USP30: variants seen among roughly 807,000 people sequenced by gnomAD.
USP30 encodes ubiquitin carboxyl-terminal hydrolase 30.
In USP30, 41 loss-of-function variants were observed where a neutral mutation model predicts 68.2. The observed-to-expected ratio is 0.60, with a 90% CI of 0.47 to 0.78. The LOEUF (loss-of-function observed/expected upper bound fraction) is 0.78. Ranked by LOEUF, USP30 falls within the 30% of genes least tolerant of loss-of-function variation. The pLI is 0.00. For synonymous variants in USP30, 229 were observed against 253.7 expected, an observed-to-expected ratio of 0.90 and a Z score of 0.93; for missense variants, 522 against 649.4, an observed-to-expected ratio of 0.80 and a Z score of 2.13.
intron 3 of USP30, among the ~76,000 whole-genome samples, chr12:109,038,008 T>C (rs1370561110): frequency 6.6e-6 from 1 of 152,162 alleles, no homozygotes; most frequent in African/African-American, 2.4e-5. Flanking sequence ...TTTTCTTTTT[T>C]TTTCTTCCAC....
intron 9 of USP30, 74 bp from the exon 10 acceptor site, chr12:109,082,589 C>T: frequency 6.9e-7 from 1 of 1,452,592 alleles, no homozygotes; most frequent in Non-Finnish European, 9.5e-7. Context: ...CGCTATAACA[C>T]CACTGTGGTC....
At chr12:109,034,545 A>G (rs1283683625) in intron 3 of USP30, among the ~76,000 whole-genome samples, 3 of 152,160 alleles carry the variant, frequency 2.0e-5, no homozygotes, top group Admixed American at 2.0e-4. Flanking sequence ...TGGGCAACAT[A>G]GTGAGACCCC....
intron 3 of USP30, among the ~76,000 whole-genome samples, chr12:109,028,472 G>A (rs371443722): frequency 3.3e-5 from 5 of 150,904 alleles, no homozygotes; most frequent in Non-Finnish European, 3.0e-5. Context: ...CTGTTTTTTT[G>A]TTGTTGTTGT....
At chr12:109,038,857 G>A (rs574889764) in intron 3 of USP30, among the ~76,000 whole-genome samples, 1 of 152,284 alleles carries the variant, frequency 6.6e-6, no homozygotes, top group East Asian at 1.9e-4. Context: ...TATCCCTGAT[G>A]ACTAGTGATG....
chr12:109,024,356 C>G (rs1761369812), intron 1 of USP30, among the ~76,000 whole-genome samples: 1 of 152,002 alleles, frequency 6.6e-6, no homozygotes, highest in African/African-American at 2.4e-5. Flanking sequence ...CTTTCAGGCT[C>G]AAGCCATCCT....
chr12:109,086,129 T>C lies in USP30; in HGVS notation c.*198T>C. 1.5e-6 allele frequency: 1 copy of C among 675,966 alleles called. No individual in the cohort carries two copies. Among genetic ancestry groups the C allele is most frequent in the Non-Finnish European group, 2.4e-6 (1 of 414,412 alleles). The allele number at this position is 675,966 out of a possible 1,614,324, so 41.9% of individuals were successfully genotyped here. The stretch of plus-strand genomic sequence containing the variant: ...CCCTGAACAGTCCTGTTCATGTGTG[T>C]AGGTGGTTCTGTTGTGTTAAGAAAG... On this transcript the variant is annotated 3_prime_UTR_variant, in exon 13 of 13. Transcript: ENST00000257548.
rs754688647 is a variant in USP30, at chr12:109,085,022, C to T, written c.1238C>T (p.Pro413Leu). 3.1e-6 allele frequency: 5 copies of T among 1,607,224 alleles called. No homozygotes were observed. Among genetic ancestry groups the T allele is most frequent in the Non-Finnish European group, 3.4e-6 (4 of 1,175,962 alleles). ...GGCGCCTGCTCCCCATCTTTATTGC[C>T]AACGCTGTCAGCGCCGATGCCCTTC... ...MNGACSPSLL[P>L]TLSAPMPFPL... The change falls in exon 12 of 13, where the codon CCA (proline) becomes CTA (leucine). Residue 413 changes from proline to leucine, a missense_variant. Transcript: ENST00000257548.
chr12:109,072,587 G>A (rs1233040980), intron 6 of USP30, among the ~76,000 whole-genome samples: 5 of 152,064 alleles, frequency 3.3e-5, no homozygotes, highest in African/African-American at 1.2e-4. Context: ...TCAAACAAGG[G>A]CTTTCTTTTT....
intron 12 of USP30, 30 bp from the exon 13 acceptor site, chr12:109,085,637 A>C: frequency 6.2e-7 from 1 of 1,601,464 alleles, no homozygotes; most frequent in Non-Finnish European, 8.5e-7. Context: ...TTAAAATTGT[A>C]AACCCCTGAC....
chr12:109,049,610 T>C (rs1193386063), upstream of USP30, among the ~76,000 whole-genome samples: 2 of 150,916 alleles, frequency 1.3e-5, no homozygotes, highest in Non-Finnish European at 3.0e-5. Context: ...AGGTCAGGAG[T>C]TCGAAACCAG....
intron 3 of USP30, among the ~76,000 whole-genome samples, chr12:109,044,766 T>C (rs2135676855): frequency 6.6e-6 from 1 of 152,308 alleles, no homozygotes; most frequent in South Asian, 2.1e-4. Flanking sequence ...TCTACATATG[T>C]GATACTTTGT....
chr12:109,027,282 T>A (rs12812818), intron 2 of USP30, among the ~76,000 whole-genome samples: 1,823 of 152,248 alleles, frequency 0.012, 22 homozygotes, highest in South Asian at 0.026. Context: ...CTTTCTTTTT[T>A]ATTTTTATTT....
chr12:109,036,584 T>C (rs1392919438), intron 3 of USP30, among the ~76,000 whole-genome samples: 2 of 152,128 alleles, frequency 1.3e-5, no homozygotes. Flanking sequence ...AGGTGCCCTT[T>C]AGTATTTCTT....
chr12:109,058,157 C>T (rs1264027390), intron 3 of USP30, 49 bp downstream of exon 3: 1 of 1,532,960 alleles, frequency 6.5e-7, no homozygotes. Flanking sequence ...TCAAAGAAGT[C>T]CAGATGACAG....
chr12:109,033,565 G>A (rs551587541), intron 3 of USP30, among the ~76,000 whole-genome samples: 1 of 152,212 alleles, frequency 6.6e-6, no homozygotes, highest in Admixed American at 6.5e-5. Flanking sequence ...TCTTGACTCT[G>A]TTTCAGTTGG....
At chr12:109,062,293 C>T (rs1241256185) in intron 3 of USP30, among the ~76,000 whole-genome samples, 2 of 149,626 alleles carry the variant, frequency 1.3e-5, no homozygotes, top group African/African-American at 4.9e-5. Context: ...ATTAGAGAAG[C>T]GTCCATTTTA....
chr12:109,079,377 T>TTTTTTTTTTTTTTTTTTTA (rs1566103716), intron 7 of USP30, among the ~76,000 whole-genome samples: 1 of 137,838 alleles, frequency 7.3e-6, no homozygotes, highest in African/African-American at 2.8e-5. Flanking sequence ...TTTTTTTTTT[T>TTTTTTTTTTTTTTTTTTTA]TTGTGACAGG....
At chr12:109,043,988 G>A (rs1476955643) in intron 3 of USP30, among the ~76,000 whole-genome samples, 1 of 152,138 alleles carries the variant, frequency 6.6e-6, no homozygotes, top group Non-Finnish European at 1.5e-5. Flanking sequence ...ACAAAAGAGT[G>A]GATAAGCAGA....
chr12:109,084,461 G>T (rs1335505851), intron 11 of USP30, among the ~76,000 whole-genome samples: 1 of 152,142 alleles, frequency 6.6e-6, no homozygotes, highest in Admixed American at 6.5e-5. Context: ...AGGGACATTG[G>T]GCAGTGTCTG....
Sources: allele counts gnomAD v4.1 joint callset (sites outside exome capture counted in the v4.1 genomes callset), GRCh38; gene constraint gnomAD v4.1.1; transcripts MANE v1.5; gene names NCBI Gene and HGNC (gene_info 2026-07-23, HGNC 2026-07-21).